FAF1: variants seen among roughly 807,000 people sequenced by gnomAD.
FAF1 encodes the protein FAS-associated factor 1.
FAF1 carries 25 observed loss-of-function variants against 92.5 expected under a neutral mutation model. The observed-to-expected ratio is 0.27, with a 90% CI of 0.20 to 0.38. The LOEUF (loss-of-function observed/expected upper bound fraction) is 0.38, where lower values mean the gene tolerates loss of function less well. Among genes scored for constraint, FAF1 ranks in the 10% least tolerant of loss-of-function variants. The probability of loss-of-function intolerance (pLI) is 1.00; values close to 1 mark genes in which losing one functional copy is unlikely to be tolerated. For synonymous variants in FAF1, 234 were observed against 273.2 expected (o/e 0.86, Z 1.42); for missense variants, 636 against 793.3 (o/e 0.80, Z 2.38).
intron 1 of FAF1, among the ~76,000 whole-genome samples, chr1:50,886,208 A>C (rs886202160): frequency 2.0e-5 from 3 of 152,138 alleles, no homozygotes; most frequent in Non-Finnish European, 4.4e-5. Context: ...CTTATTGCTC[A>C]TTATCATCCT....
chr1:50,495,362 G>A (rs544148376), intron 15 of FAF1, among the ~76,000 whole-genome samples: 6 of 152,232 alleles, frequency 3.9e-5, no homozygotes, highest in Admixed American at 6.5e-5. Context: ...AACATGTGAC[G>A]TTTGTAGTTC....
At chr1:50,619,779 A>C (rs894524789) in intron 8 of FAF1, among the ~76,000 whole-genome samples, 1 of 152,130 alleles carries the variant, frequency 6.6e-6, no homozygotes, top group Non-Finnish European at 1.5e-5. Context: ...CTGGATTTGC[A>C]TATCAATTTT....
chr1:50,443,810 T>C (rs571519626), intron 18 of FAF1, among the ~76,000 whole-genome samples: 1 of 152,316 alleles, frequency 6.6e-6, no homozygotes, highest in African/African-American at 2.4e-5. Flanking sequence ...CTGATCTTTC[T>C]AACTTCAAAG....
At position 50,896,141 on chromosome 1, in the gene FAF1, C is replaced by T. The variant is rs376809136; in HGVS notation, c.46-38144G>A. Among the ~76,000 whole-genome samples the T allele has an allele frequency of 1.2e-4, 19 of 152,108 alleles. 1 individual carries two copies. In the South Asian group the frequency reaches 3.5e-3, roughly 28 times the overall value. ...GTTATCAAAAAATAGAAAAATTAGCCCAGCATGGTGGTGCATGCCTGCAGT... is the reference window on the plus strand; with the variant it reads ...GTTATCAAAAAATAGAAAAATTAGCTCAGCATGGTGGTGCATGCCTGCAGT... On this transcript the variant is annotated intron_variant, in intron 1 of 18. Transcript: ENST00000396153.
At chr1:50,722,911 G>GA (rs1372026235) in intron 6 of FAF1, among the ~76,000 whole-genome samples, 1 of 152,148 alleles carries the variant, frequency 6.6e-6, no homozygotes, top group Non-Finnish European at 1.5e-5. Context: ...AAATAGGACT[G>GA]AATTGGCTGA....
At chr1:50,881,817 G>A (rs1172066003) in intron 1 of FAF1, among the ~76,000 whole-genome samples, 2 of 152,040 alleles carry the variant, frequency 1.3e-5, no homozygotes, top group East Asian at 3.9e-4. Flanking sequence ...TTTTAATGTT[G>A]AACTAAGAAA....
At chr1:50,592,715 A>G (rs1017378570) in intron 9 of FAF1, among the ~76,000 whole-genome samples, 2 of 152,204 alleles carry the variant, frequency 1.3e-5, no homozygotes, top group Non-Finnish European at 2.9e-5. Flanking sequence ...TGGGAGGCCA[A>G]GGAGGGCAGA....
At chr1:50,539,370 T>C (rs1648650848) in intron 14 of FAF1, among the ~76,000 whole-genome samples, 1 of 152,242 alleles carries the variant, frequency 6.6e-6, no homozygotes, top group African/African-American at 2.4e-5. Flanking sequence ...GAACATCCTG[T>C]GCCCCAAGGG....
intron 4 of FAF1, among the ~76,000 whole-genome samples, chr1:50,748,221 CGTGGTGGCT>C (rs1369921068): frequency 6.6e-6 from 1 of 152,174 alleles, no homozygotes; most frequent in African/African-American, 2.4e-5. Context: ...AAATGCCAGG[CGTGGTGGCT>C]CATGCCTGTA....
At chr1:50,518,283 GT>G (rs1349858460) in intron 15 of FAF1, among the ~76,000 whole-genome samples, 1 of 152,174 alleles carries the variant, frequency 6.6e-6, no homozygotes, top group East Asian at 1.9e-4. Flanking sequence ...GCTGCTGTAT[GT>G]ATCAAAAGTT....
At chr1:50,646,364 A>C (rs1185892684) in intron 8 of FAF1, among the ~76,000 whole-genome samples, 1 of 152,198 alleles carries the variant, frequency 6.6e-6, no homozygotes, top group Non-Finnish European at 1.5e-5. Context: ...CTTAATTTTT[A>C]TTAGAAATAA....
chr1:50,488,955 C>A (rs1169576217), intron 17 of FAF1, among the ~76,000 whole-genome samples: 1 of 152,152 alleles, frequency 6.6e-6, no homozygotes, highest in Non-Finnish European at 1.5e-5. Flanking sequence ...GTGATAGATA[C>A]TCACAACAGT....
chr1:50,532,447 G>T (rs1648226496), intron 15 of FAF1, among the ~76,000 whole-genome samples: 1 of 152,166 alleles, frequency 6.6e-6, no homozygotes. Context: ...AATGGCTGAA[G>T]AATGTTTTTA....
chr1:50,493,614 C>T (rs974223685), intron 15 of FAF1, among the ~76,000 whole-genome samples: 1 of 152,094 alleles, frequency 6.6e-6, no homozygotes, highest in Admixed American at 6.5e-5. Context: ...GCTAAACTAC[C>T]CCATGACACT....
chr1:50,650,403 C>T (rs781732989), intron 8 of FAF1, among the ~76,000 whole-genome samples: 11 of 151,612 alleles, frequency 7.3e-5, no homozygotes, highest in Non-Finnish European at 1.0e-4. Context: ...GCCAAGAGTT[C>T]GAGGCCAAAA....
At chr1:50,701,661 T>C (rs892380632) in intron 7 of FAF1, among the ~76,000 whole-genome samples, 1 of 152,048 alleles carries the variant, frequency 6.6e-6, no homozygotes, top group Admixed American at 6.6e-5. Context: ...AGAATCAGAG[T>C]TAGCCTTATC....
intron 1 of FAF1, among the ~76,000 whole-genome samples, chr1:50,918,781 A>G (rs1393737718): frequency 1.5e-5 from 2 of 131,120 alleles, no homozygotes; most frequent in Admixed American, 8.2e-5. Flanking sequence ...GACTTCCACA[A>G]TGGTTGAACT....
At chr1:50,489,834 A>G (rs1408697098) in intron 17 of FAF1, among the ~76,000 whole-genome samples, 1 of 152,188 alleles carries the variant, frequency 6.6e-6, no homozygotes, top group African/African-American at 2.4e-5. Context: ...GGGAGAAGAG[A>G]TACAATCTTT....
chr1:50,560,447 G>C (rs1649849252), intron 13 of FAF1, among the ~76,000 whole-genome samples: 1 of 152,160 alleles, frequency 6.6e-6, no homozygotes, highest in South Asian at 2.1e-4. Context: ...GTGAATATTG[G>C]TATTAAATGT....
Sources: gnomAD v4.1 joint callset for allele counts (sites outside exome capture counted in the v4.1 genomes callset) on GRCh38, gnomAD v4.1.1 for gene constraint, MANE v1.5 for transcripts, NCBI Gene and HGNC (gene_info 2026-07-23, HGNC 2026-07-21) for gene names.